Variants in MUC3A observed in about 807,000 individuals in gnomAD.
The protein encoded by MUC3A is mucin-3A.
In MUC3A, 109 loss-of-function variants were observed where a neutral mutation model predicts 109.0. That is an observed-to-expected ratio of 1.00 (90% CI 0.86 to 1.17). MUC3A has a LOEUF of 1.17. Ranked by LOEUF, MUC3A falls within the 50% of genes most tolerant of loss-of-function variation. The pLI is 0.00. For missense variants in MUC3A, 3,537 were observed against 2,469.4 expected (o/e 1.43, Z -9.16); for synonymous variants, 1,398 against 981.4 (o/e 1.42, Z -7.93).
Position 100,959,552 on chromosome 7 carries a change from A to C in MUC3A, c.7773A>C (p.Gln2591His). Reference sequence around the variant, plus strand: ...TACTGACGTCAGCCACTGGGACCCAAACATCTCCTGCACCTACTACTGTCA... The same window carrying C: ...TACTGACGTCAGCCACTGGGACCCACACATCTCCTGCACCTACTACTGTCA... Reference protein sequence around the residue: ...PPVLTSATGTQTSPAPTTVTF... With the variant: ...PPVLTSATGTHTSPAPTTVTF... Residue 2591 changes from glutamine (Q) to histidine (H), a missense_variant, in exon 2 of 12, where the codon CAA becomes CAC. By Grantham distance (24) the Gln-to-His change is conservative. Coordinates refer to ENST00000379458, the MANE Select transcript of MUC3A (RefSeq NM_005960.2). The C allele has an allele frequency of 6.3e-7, 1 of 1,591,464 alleles. No homozygotes were observed. The highest frequency in any genetic ancestry group is 1.1e-5 in the South Asian group (1 of 89,518).
chr7:100,953,330 A>C lies in MUC3A; in HGVS notation c.1551A>C (p.Thr517=). ...TPNVRPTFVS[T]LSTPTSSLLT... ...ATGTGAGACCAACTTTTGTAAGTAC[A>C]CTCAGCACTCCTACAAGTTCCCTCC... The change falls in exon 2 of 12, where the codon ACA becomes ACC. Residue 517 remains threonine (T), a synonymous_variant. Coordinates refer to ENST00000379458, the MANE Select transcript of MUC3A (RefSeq NM_005960.2). 1 of 524,180 alleles carries C rather than the reference A, an allele frequency of 1.9e-6. No individual in the cohort carries two copies. Among genetic ancestry groups the C allele is most frequent in the East Asian group, 3.0e-5 (1 of 32,876 alleles). 32.5% of individuals were successfully genotyped at this position (524,180 alleles called of 1,614,324 possible). A position where few individuals can be genotyped will look rare whatever the true frequency, so the allele number is the denominator to read the frequency against.
Position 100,963,253 on chromosome 7 carries a change from CCTT to C in MUC3A, c.9158_9160del (p.Phe3053del). 1 of 1,597,736 alleles carries C rather than the reference CCTT, an allele frequency of 6.3e-7. No individual in the cohort carries two copies. Among genetic ancestry groups the C allele is most frequent in the Non-Finnish European group, 8.5e-7 (1 of 1,179,486 alleles). On this transcript the variant is annotated inframe_deletion, in exon 4 of 12. Transcript: ENST00000379458. ...CAGGCCTACAGGGATTTCAACAAGA[CCTT>C]CTGGAATCAGGTAAAGGGCAAAGAG... is the stretch of plus-strand genomic sequence containing the variant.
At position 100,959,728 on chromosome 7, in the gene MUC3A, C is replaced by T. The variant is rs560200763; in HGVS notation, c.7949C>T (p.Thr2650Ile). 17 of 1,598,532 alleles carry T rather than the reference C, an allele frequency of 1.1e-5. No individual in the cohort carries two copies. In the East Asian group the frequency reaches 1.8e-4, roughly 17 times the overall value. ...ACTCCTTCTACTCCCTCATTGCAAACTTCACTCACATCTACAAGTGAGTTC... is the reference window on the plus strand; with the variant it reads ...ACTCCTTCTACTCCCTCATTGCAAATTTCACTCACATCTACAAGTGAGTTC... ...QTTPSTPSLQ[T>I]SLTSTSEFTT... Residue 2650 changes from threonine (T) to isoleucine (I), a missense_variant, in exon 2 of 12, where the codon ACT (threonine) becomes ATT (isoleucine). Physicochemically the swap from Thr to Ile is moderately conservative, Grantham distance 89. Transcript: ENST00000379458.
rs367759379 is a variant in MUC3A, at chr7:100,952,328, G to A, written c.549G>A (p.Thr183=). 2.4e-5 allele frequency: 38 copies of A among 1,598,374 alleles called. No homozygotes were observed. The African/African-American group carries it at 3.1e-4, about 13-fold the overall frequency. The part of the protein sequence containing the change: ...TYSMTTTEKG[T]SAMTSSPSTT... The stretch of plus-strand genomic sequence containing the variant: ...CTATGACCACTACTGAGAAAGGAAC[G>A]TCAGCCATGACATCTTCTCCCTCTA... The change falls in exon 2 of 12, where the codon ACG becomes ACA. Residue 183 remains threonine (T), a synonymous_variant. Transcript: ENST00000379458.
Position 100,959,827 on chromosome 7 carries a change from C to T in MUC3A, c.8048C>T (p.Ser2683Phe). The T allele has an allele frequency of 6.3e-7, 1 of 1,580,342 alleles. No homozygotes were observed. Residue 2683 changes from serine to phenylalanine, a missense_variant, in exon 2 of 12, where the codon TCC becomes TTC. Ser to Phe is a radical substitution (Grantham distance 155). Transcript: ENST00000379458. ...ILTSFSTIIW[S>F]STPTIIMSSS... ...ACTTCTTTTAGTACCATCATCTGGTCCTCAACACCCACTATTATCATGTCC... is the reference window on the plus strand; with the variant it reads ...ACTTCTTTTAGTACCATCATCTGGTTCTCAACACCCACTATTATCATGTCC...
Position 100,958,377 on chromosome 7 carries a change from C to G in MUC3A, c.6598C>G (p.His2200Asp), listed in dbSNP as rs1792161504. The G allele has an allele frequency of 2.7e-6, 2 of 751,496 alleles. No homozygotes were observed. Among genetic ancestry groups the G allele is most frequent in the African/African-American group, 5.1e-5 (1 of 19,690 alleles). The allele number at this position is 751,496 out of a possible 1,614,324, so 46.6% of individuals were successfully genotyped here. A position where few individuals can be genotyped will look rare whatever the true frequency, so the allele number is the denominator to read the frequency against. The change falls in exon 2 of 12, where the codon CAC (histidine) becomes GAC (aspartate). Residue 2200 changes from histidine (H) to aspartate (D), a missense_variant. His to Asp is a moderately conservative substitution (Grantham distance 81). Transcript: ENST00000379458. ...AAATACCATCACTGAGACCACCTCA[C>G]ACAGTACTCCCAGCTACATTACCTC... The part of the protein sequence containing the change: ...SSNTITETTS[H>D]STPSYITSIT...
intron 3 of MUC3A, 84 bp downstream of exon 3, chr7:100,961,021 G>A (rs1792309867): frequency 1.9e-6 from 3 of 1,588,834 alleles, no homozygotes; most frequent in Middle Eastern, 1.7e-4. Context: ...TGTGGGGCCT[G>A]GAGGCACCCA....
chr7:100,955,085 C>G lies in MUC3A; in HGVS notation c.3306C>G (p.Ile1102Met), dbSNP rs995152033. The G allele has an allele frequency of 1.8e-5, 11 of 601,488 alleles. No homozygotes were observed. In the East Asian group the frequency reaches 3.1e-4, roughly 17 times the overall value. 37.3% of individuals were successfully genotyped at this position (601,488 alleles called of 1,614,324 possible). A position where few individuals can be genotyped will look rare whatever the true frequency, so the allele number is the denominator to read the frequency against. ...TSIVSDSTTE[I>M]TYSTSITGTL... Reference sequence around the variant, plus strand: ...TTGTCTCAGACTCCACGACTGAAATCACCTATTCCACAAGTATAACAGGTA... The same window carrying G: ...TTGTCTCAGACTCCACGACTGAAATGACCTATTCCACAAGTATAACAGGTA... The change falls in exon 2 of 12, where the codon ATC becomes ATG. Residue 1102 changes from isoleucine to methionine, a missense_variant. Ile to Met is a conservative substitution (Grantham distance 10, BLOSUM62 1). Transcript: ENST00000379458.
chr7:100,965,660 G>A (rs754721773), intron 7 of MUC3A, 44 bp from the exon 8 acceptor site: 23 of 1,572,422 alleles, frequency 1.5e-5, no homozygotes, highest in Non-Finnish European at 1.9e-5. Flanking sequence ...TGAATAGAAT[G>A]GATGAGGTCC....
At chr7:100,963,978 C>T (rs1465736795) in intron 5 of MUC3A, 2 of 662,854 alleles carry the variant, frequency 3.0e-6, no homozygotes, top group African/African-American at 1.8e-5. Context: ...AGAGAAGTTG[C>T]AGGGACATGT....
At chr7:100,963,346 T>A in intron 4 of MUC3A, 80 bp downstream of exon 4, 19 of 1,011,972 alleles carry the variant, frequency 1.9e-5, no homozygotes, top group Non-Finnish European at 2.6e-5. Flanking sequence ...AGTGCAATGG[T>A]GCGATCTTGG....
Position 100,951,914 on chromosome 7 carries a change from C to A in MUC3A, c.135C>A (p.Ser45Arg), listed in dbSNP as rs1307200115. The A allele has an allele frequency of 6.3e-7, 1 of 1,598,644 alleles. No individual in the cohort carries two copies. Among genetic ancestry groups the A allele is most frequent in the South Asian group, 1.1e-5 (1 of 91,090 alleles). ...PRAEAASAVLSNSPHSRDLAG... is the reference protein window; with the variant it reads ...PRAEAASAVLRNSPHSRDLAG... Reference sequence around the variant, plus strand: ...CAGAAGCAGCCAGCGCTGTGCTCAGCAATTCTCCACACTCCAGAGACCTGG... The same window carrying A: ...CAGAAGCAGCCAGCGCTGTGCTCAGAAATTCTCCACACTCCAGAGACCTGG... Residue 45 changes from serine (S) to arginine (R), a missense_variant, in exon 2 of 12, where the codon AGC becomes AGA. Transcript: ENST00000379458.
chr7:100,953,871 A>G lies in MUC3A; in HGVS notation c.2092A>G (p.Thr698Ala). Residue 698 changes from threonine (T) to alanine (A), a missense_variant, in exon 2 of 12, where the codon ACT (threonine) becomes GCT (alanine). Physicochemically the swap from Thr to Ala is moderately conservative, Grantham distance 58. Transcript: ENST00000379458. ...ATCTATCTTGGTGACCACACTCCCC[A>G]CTCCAAATGCTTCATCTATGACTAC... ...PPSILVTTLP[T>A]PNASSMTTSE... The G allele has an allele frequency of 2.3e-6, 1 of 440,176 alleles. No homozygotes were observed. Among genetic ancestry groups the G allele is most frequent in the South Asian group, 7.2e-5 (1 of 13,936 alleles). The allele number at this position is 440,176 out of a possible 1,614,324, so 27.3% of individuals were successfully genotyped here.
In MUC3A at chr7:100,952,943, A is replaced by C. The variant is rs1201180059; in HGVS notation, c.1164A>C (p.Val388=). The C allele has an allele frequency of 4.5e-6, 7 of 1,565,388 alleles. No homozygotes were observed. In the Admixed American group the frequency reaches 1.2e-4, roughly 27 times the overall value. The part of the protein sequence containing the change: ...ETATTPMTNL[V]TTTTEISSHS... The stretch of plus-strand genomic sequence containing the variant: ...CCACGACTCCTATGACAAACTTGGT[A>C]ACCACCACCACTGAGATCTCCTCCC... The change falls in exon 2 of 12, where the codon GTA becomes GTC. Residue 388 remains valine (V), a synonymous_variant. Transcript: ENST00000379458.
Position 100,959,156 on chromosome 7 carries a change from C to T in MUC3A, c.7377C>T (p.Ile2459=). Residue 2459 remains isoleucine, a synonymous_variant, in exon 2 of 12, where the codon ATC becomes ATT. Coordinates refer to ENST00000379458, the MANE Select transcript of MUC3A (RefSeq NM_005960.2). The part of the protein sequence containing the change: ...YSTVSTSTTA[I]TSHFTTSETA... ...CAGTCAGCACATCCACAACTGCCATCACCTCACATTTTACTACCTCAGAGA... is the reference window on the plus strand; with the variant it reads ...CAGTCAGCACATCCACAACTGCCATTACCTCACATTTTACTACCTCAGAGA... 1 of 1,598,244 alleles carries T rather than the reference C, an allele frequency of 6.3e-7. No homozygotes were observed. Among genetic ancestry groups the T allele is most frequent in the Non-Finnish European group, 8.5e-7 (1 of 1,179,762 alleles).
Position 100,963,771 on chromosome 7 carries a change from G to A in MUC3A, c.9233+19G>A, listed in dbSNP as rs1563073882. 6.3e-7 allele frequency: 1 copy of A among 1,598,556 alleles called. No individual in the cohort carries two copies. Among genetic ancestry groups the A allele is most frequent in the African/African-American group, 1.3e-5 (1 of 75,086 alleles). On this transcript the variant is annotated intron_variant, in intron 5 of 11. Transcript: ENST00000379458. ...CCCTGAGGTAGGAGACCCATCTGGG[G>A]ATGCGGAGGCGGTGTTGGGTGGGGG...
Position 100,959,092 on chromosome 7 carries a change from AGAG to A in MUC3A, c.7314_7316del (p.Glu2438_Ser2439delinsAsp), listed in dbSNP as rs1792217288. 6.4e-7 allele frequency: 1 copy of A among 1,554,430 alleles called. No individual in the cohort carries two copies. Among genetic ancestry groups the A allele is most frequent in the Non-Finnish European group, 8.6e-7 (1 of 1,159,042 alleles). On this transcript the variant is annotated inframe_deletion, in exon 2 of 12. Coordinates refer to ENST00000379458, the MANE Select transcript of MUC3A (RefSeq NM_005960.2). ...ATCACCACCACTGAGACCACCTCAG[AGAG>A]TACTCCCAGCCTCAGTTCTTCAACC...
chr7:100,962,466 C>G (rs1792359891), intron 3 of MUC3A, among the ~76,000 whole-genome samples: 1 of 152,308 alleles, frequency 6.6e-6, no homozygotes, highest in Non-Finnish European at 1.5e-5. Context: ...CAATCTGCAC[C>G]CTTGATCCTC....
At position 100,954,202 on chromosome 7, in the gene MUC3A, C is replaced by T; in HGVS notation, c.2423C>T (p.Ser808Phe). 3.8e-6 allele frequency: 2 copies of T among 525,042 alleles called. No homozygotes were observed. Among genetic ancestry groups the T allele is most frequent in the East Asian group, 3.1e-5 (1 of 32,578 alleles). The allele number at this position is 525,042 out of a possible 1,614,324, so 32.5% of individuals were successfully genotyped here. Residue 808 changes from serine (S) to phenylalanine (F), a missense_variant, in exon 2 of 12, where the codon TCC (serine) becomes TTC (phenylalanine). Coordinates refer to ENST00000379458, the MANE Select transcript of MUC3A (RefSeq NM_005960.2). ...TTLGTMVTSTSMISSTVSTGI... is the reference protein window; with the variant it reads ...TTLGTMVTSTFMISSTVSTGI... ...TTGGGTACCATGGTAACTTCTACAT[C>T]CATGATCTCATCTACTGTGAGTACA...
Sources: gnomAD v4.1 joint callset for allele counts (sites outside exome capture counted in the v4.1 genomes callset) on GRCh38, gnomAD v4.1.1 for gene constraint, MANE v1.5 for transcripts, NCBI Gene and HGNC (gene_info 2026-07-23, HGNC 2026-07-21) for gene names.